CTNNA2: variants seen among roughly 807,000 people sequenced by gnomAD.
CTNNA2 encodes catenin alpha-2.
CTNNA2 carries 42 observed loss-of-function variants against 101.0 expected under a neutral mutation model. The observed-to-expected ratio is 0.42, with a 90% CI of 0.32 to 0.54. The LOEUF is 0.54. Among genes scored for constraint, CTNNA2 ranks in the 20% least tolerant of loss-of-function variants. CTNNA2 has a pLI of 0.14. For synonymous variants in CTNNA2, 450 were observed against 456.4 expected (o/e 0.99, Z 0.18); for missense variants, 871 against 1,223.1 (o/e 0.71, Z 4.29).
intron 3 of CTNNA2, among the ~76,000 whole-genome samples, chr2:79,840,771 T>C (rs1408676576): frequency 2.0e-5 from 3 of 148,286 alleles, no homozygotes; most frequent in Admixed American, 1.3e-4. Flanking sequence ...CCTCTCTTTT[T>C]TTTTTTTTTT....
chr2:80,332,461 TAAAC>T (rs1230155870), intron 7 of CTNNA2, among the ~76,000 whole-genome samples: 1 of 152,124 alleles, frequency 6.6e-6, no homozygotes, highest in East Asian at 1.9e-4. Context: ...AGGCAAGTGA[TAAAC>T]AAAAACTGGA....
At chr2:79,281,865 G>A (rs1241231785) in intron 2 of CTNNA2, among the ~76,000 whole-genome samples, 1 of 152,144 alleles carries the variant, frequency 6.6e-6, no homozygotes, top group Non-Finnish European at 1.5e-5. Flanking sequence ...TTTTAGAGTA[G>A]AGATGCTGAT....
At chr2:80,642,630 G>A (rs771020817) in intron 18 of CTNNA2, among the ~76,000 whole-genome samples, 8 of 152,246 alleles carry the variant, frequency 5.3e-5, no homozygotes, top group African/African-American at 9.6e-5. Flanking sequence ...TTCTGCAGTC[G>A]AATTCTGTTT....
chr2:79,720,912 C>A (rs1350450211), intron 2 of CTNNA2, among the ~76,000 whole-genome samples: 1 of 151,952 alleles, frequency 6.6e-6, no homozygotes, highest in Non-Finnish European at 1.5e-5. Flanking sequence ...TGTTTTAACA[C>A]CATACAAAAG....
chr2:80,163,314 A>C (rs916430509), intron 7 of CTNNA2, among the ~76,000 whole-genome samples: 19 of 152,076 alleles, frequency 1.2e-4, no homozygotes, highest in African/African-American at 4.1e-4. Flanking sequence ...TATATATATA[A>C]ATGATATATT....
intron 7 of CTNNA2, among the ~76,000 whole-genome samples, chr2:80,015,435 C>A (rs998404768): frequency 1.3e-5 from 2 of 152,122 alleles, no homozygotes; most frequent in Non-Finnish European, 2.9e-5. Flanking sequence ...GATCCTAACA[C>A]CATGAAAGCT....
intron 1 of CTNNA2, among the ~76,000 whole-genome samples, chr2:79,621,398 G>A (rs968814197): frequency 2.0e-5 from 3 of 152,098 alleles, no homozygotes; most frequent in Non-Finnish European, 4.4e-5. Context: ...AGAACATCTT[G>A]TACTGCCATA....
At chr2:79,865,834 C>G (rs1376337948) in intron 4 of CTNNA2, among the ~76,000 whole-genome samples, 2 of 152,228 alleles carry the variant, frequency 1.3e-5, no homozygotes, top group Non-Finnish European at 2.9e-5. Flanking sequence ...ATTCTGGTGC[C>G]TCAGCCTCCT....
At chr2:80,582,878 AGAG>A in intron 14 of CTNNA2, among the ~76,000 whole-genome samples, 1 of 152,312 alleles carries the variant, frequency 6.6e-6, no homozygotes, top group African/African-American at 2.4e-5. Context: ...GTTAAAATAA[AGAG>A]GACTTGAGGG....
chr2:79,716,477 A>G (rs1014241502), intron 2 of CTNNA2, among the ~76,000 whole-genome samples: 10 of 151,084 alleles, frequency 6.6e-5, no homozygotes, highest in Non-Finnish European at 1.2e-4. Flanking sequence ...CTTCCCCCAC[A>G]CTCCCCTCCA....
chr2:79,924,081 T>C (rs749546095), intron 7 of CTNNA2, among the ~76,000 whole-genome samples: 1 of 152,092 alleles, frequency 6.6e-6, no homozygotes, highest in Non-Finnish European at 1.5e-5. Flanking sequence ...CATGAGTGGA[T>C]GAATGGATAA....
rs532678958 is a variant in CTNNA2, at chr2:80,581,602, T to C, written c.1894-104T>C. ...TGTGTGGGTGCTATGTAGGATGCTA[T>C]AAGCTCTGTTTGCTGGGGGATATTT... On this transcript the variant is annotated intron_variant, in intron 13 of 18. Coordinates refer to ENST00000402739, the MANE Select transcript of CTNNA2 (RefSeq NM_001282597.3). 8 of 721,070 alleles carry C rather than the reference T, an allele frequency of 1.1e-5. No homozygotes were observed. The African/African-American group carries it at 1.2e-4, about 11-fold the overall frequency. 44.7% of individuals were successfully genotyped at this position (721,070 alleles called of 1,614,324 possible).
intron 10 of CTNNA2, 120 bp downstream of exon 10, chr2:80,545,194 G>A (rs778922639): frequency 3.0e-4 from 265 of 880,328 alleles, no homozygotes; most frequent in Non-Finnish European, 3.7e-4. Context: ...TCATTTATGA[G>A]CTGTTTCAAG....
chr2:80,565,035 G>A (rs993760156), intron 12 of CTNNA2, among the ~76,000 whole-genome samples: 2 of 152,188 alleles, frequency 1.3e-5, no homozygotes, highest in African/African-American at 4.8e-5. Flanking sequence ...ATCAAGTGAT[G>A]TAAATTAAAT....
At chr2:79,211,366 A>T (rs914802963) in intron 2 of CTNNA2, among the ~76,000 whole-genome samples, 1 of 152,210 alleles carries the variant, frequency 6.6e-6, no homozygotes, top group African/African-American at 2.4e-5. Context: ...CCGTGAGAAG[A>T]GACCACCAAA....
chr2:80,314,124 A>C (rs1677873886), intron 7 of CTNNA2, among the ~76,000 whole-genome samples: 1 of 152,198 alleles, frequency 6.6e-6, no homozygotes, highest in Non-Finnish European at 1.5e-5. Context: ...TGGTGGCTAT[A>C]GTGGTGGCAG....
intron 7 of CTNNA2, among the ~76,000 whole-genome samples, chr2:80,323,441 C>G (rs1007280497): frequency 6.6e-6 from 1 of 151,950 alleles, no homozygotes; most frequent in Admixed American, 6.6e-5. Context: ...AATACAACTC[C>G]TCTTTTATTT....
chr2:79,503,958 T>G (rs1162468004), intron 4 of CTNNA2, among the ~76,000 whole-genome samples: 2 of 152,140 alleles, frequency 1.3e-5, no homozygotes, highest in African/African-American at 4.8e-5. Flanking sequence ...GAGAATTATA[T>G]CTGGAATGAA....
At chr2:79,960,406 G>T (rs1269533192) in intron 7 of CTNNA2, among the ~76,000 whole-genome samples, 1 of 152,100 alleles carries the variant, frequency 6.6e-6, no homozygotes, top group South Asian at 2.1e-4. Context: ...CCTTCATTTG[G>T]TACCTACTGA....
Sources: gnomAD v4.1 joint callset for allele counts (sites outside exome capture counted in the v4.1 genomes callset) on GRCh38, gnomAD v4.1.1 for gene constraint, MANE v1.5 for transcripts, NCBI Gene and HGNC (gene_info 2026-07-23, HGNC 2026-07-21) for gene names.